The following SUMF1 variants were observed in gnomAD, a reference collection of about 807,000 sequenced individuals.
SUMF1 encodes the protein formylglycine-generating enzyme.
SUMF1 carries 48 observed loss-of-function variants against 47.6 expected under a neutral mutation model. The ratio of observed to expected loss-of-function variants is 1.01; its 90% CI spans 0.80 to 1.28. SUMF1 has a LOEUF of 1.28. Among genes scored for constraint, SUMF1 ranks in the 50% most tolerant of loss-of-function variants. The pLI, the probability that SUMF1 is intolerant of heterozygous loss-of-function variation, is 0.00. For missense variants in SUMF1, 571 were observed against 485.4 expected (o/e 1.18, Z -1.66); for synonymous variants, 230 against 192.1 (o/e 1.20, Z -1.63).
At chr3:4,306,143 C>T (rs1053141486) in intron 8 of SUMF1, among the ~76,000 whole-genome samples, 3 of 152,056 alleles carry the variant, frequency 2.0e-5, no homozygotes, top group South Asian at 2.1e-4. Flanking sequence ...TCCTGCCGTG[C>T]GTGTGTGTGT....
intron 8 of SUMF1, among the ~76,000 whole-genome samples, chr3:4,274,315 T>C (rs1697369974): frequency 6.6e-6 from 1 of 151,974 alleles, no homozygotes; most frequent in South Asian, 2.1e-4. Context: ...ACTAAATTTG[T>C]AGGGGGCAAA....
chr3:4,149,589 G>A (rs751408861), intron 8 of SUMF1, among the ~76,000 whole-genome samples: 2 of 152,088 alleles, frequency 1.3e-5, no homozygotes, highest in African/African-American at 2.4e-5. Context: ...TCCTCAGACT[G>A]CGCCAATATA....
intron 8 of SUMF1, among the ~76,000 whole-genome samples, chr3:4,141,976 G>T (rs1694080864): frequency 6.6e-6 from 1 of 152,110 alleles, no homozygotes; most frequent in Non-Finnish European, 1.5e-5. Context: ...TTGACCAGGG[G>T]TTGCTGTGTT....
chr3:4,056,088 T>A (rs1462064372), intron 9 of SUMF1, among the ~76,000 whole-genome samples: 7 of 152,146 alleles, frequency 4.6e-5, no homozygotes, highest in Admixed American at 1.3e-4. Context: ...TCTCCCTATT[T>A]TATGGTCAGC....
intron 8 of SUMF1, among the ~76,000 whole-genome samples, chr3:4,233,774 A>C (rs913072901): frequency 3.9e-5 from 6 of 152,132 alleles, no homozygotes; most frequent in African/African-American, 1.2e-4. Flanking sequence ...GTTTAAAACG[A>C]AGTCAATACT....
chr3:4,143,201 C>T (rs984030198), intron 8 of SUMF1, among the ~76,000 whole-genome samples: 1 of 152,070 alleles, frequency 6.6e-6, no homozygotes, highest in Non-Finnish European at 1.5e-5. Flanking sequence ...TACATTTACA[C>T]AGTTAGATAT....
intron 8 of SUMF1, among the ~76,000 whole-genome samples, chr3:4,190,367 G>A (rs747317238): frequency 1.3e-5 from 2 of 152,000 alleles, no homozygotes; most frequent in African/African-American, 4.8e-5. Flanking sequence ...ACATTACCAC[G>A]TAGGCTTGCA....
intron 8 of SUMF1, among the ~76,000 whole-genome samples, chr3:4,218,188 C>T (rs1253674422): frequency 6.6e-6 from 1 of 151,890 alleles, no homozygotes; most frequent in Non-Finnish European, 1.5e-5. Context: ...AGAGAGAGAC[C>T]TTACGAGAAA....
At chr3:4,351,884 C>A (rs1220154065) in intron 8 of SUMF1, among the ~76,000 whole-genome samples, 4 of 152,128 alleles carry the variant, frequency 2.6e-5, no homozygotes, top group African/African-American at 9.7e-5. Flanking sequence ...ACCCTCCTGC[C>A]TTGATTGTAC....
chr3:4,204,828 A>ATTT lies in SUMF1; in HGVS notation c.1015-136086_1015-136084dup, dbSNP rs34086119. Among the ~76,000 whole-genome samples, 283 of 151,184 alleles carry ATTT rather than the reference A, an allele frequency of 1.9e-3. 1 individual carries two copies. The highest frequency in any genetic ancestry group is 5.9e-3 in the South Asian group (28 of 4,782). On this transcript the variant is annotated intron_variant and NMD_transcript_variant, in intron 8 of 12. Coordinates refer to the SUMF1 transcript ENST00000448413. ...TTTTCAGCTCCAGGATCTCTGCTTG[A>ATTT]TTTTTTTTATTATTTCAATTACTTT...
intron 8 of SUMF1, among the ~76,000 whole-genome samples, chr3:4,307,038 T>TA (rs1698216148): frequency 6.6e-6 from 1 of 152,228 alleles, no homozygotes; most frequent in African/African-American, 2.4e-5. Flanking sequence ...CACAGTCTTC[T>TA]AATAGCTGCT....
chr3:4,247,801 G>C (rs967199467), intron 8 of SUMF1, among the ~76,000 whole-genome samples: 2 of 152,166 alleles, frequency 1.3e-5, no homozygotes, highest in African/African-American at 2.4e-5. Context: ...AAAGCCCACT[G>C]ATCCAGCAAC....
chr3:4,258,918 G>C (rs1334941338), intron 8 of SUMF1, among the ~76,000 whole-genome samples: 1 of 140,550 alleles, frequency 7.1e-6, no homozygotes, highest in African/African-American at 2.7e-5. Context: ...ATACACCATG[G>C]AATACTATGC....
chr3:4,174,898 G>C (rs2600130), intron 8 of SUMF1, among the ~76,000 whole-genome samples: 92,451 of 152,040 alleles, frequency 0.61, 28,628 homozygotes, highest in Non-Finnish European at 0.68. Flanking sequence ...GCCTGGCTCG[G>C]CAGCTCCCAC....
In SUMF1 at chr3:4,361,926, A is replaced by G. The variant is rs532640038; in HGVS notation, c.*218T>C. 5.7e-4 allele frequency: 317 copies of G among 559,732 alleles called. 2 individuals are homozygous for G. The South Asian group carries it at 6.2e-3, about 11-fold the overall frequency. The allele number at this position is 559,732 out of a possible 1,614,324, so 34.7% of individuals were successfully genotyped here. A position where few individuals can be genotyped will look rare whatever the true frequency, so the allele number is the denominator to read the frequency against. ...CTTTAAAGACTCTCAAAAGTAAAATATGGTGATGATCTCCAAAGATGCACC... is the reference window on the plus strand; with the variant it reads ...CTTTAAAGACTCTCAAAAGTAAAATGTGGTGATGATCTCCAAAGATGCACC... On this transcript the variant is annotated 3_prime_UTR_variant, in exon 9 of 9. Coordinates refer to ENST00000272902, the MANE Select transcript of SUMF1 (RefSeq NM_182760.4).
intron 3 of SUMF1, among the ~76,000 whole-genome samples, chr3:4,428,304 T>A (rs566423626): frequency 6.6e-6 from 1 of 152,274 alleles, no homozygotes; most frequent in South Asian, 2.1e-4. Flanking sequence ...TAAATGTTTG[T>A]GATGATTATT....
intron 8 of SUMF1, among the ~76,000 whole-genome samples, chr3:4,266,065 C>T (rs984469978): frequency 1.3e-5 from 2 of 152,102 alleles, no homozygotes; most frequent in African/African-American, 4.8e-5. Flanking sequence ...TTTCTGAGGG[C>T]TCTGTTCTGT....
At chr3:4,090,971 C>T (rs972482479) in intron 8 of SUMF1, among the ~76,000 whole-genome samples, 4 of 151,854 alleles carry the variant, frequency 2.6e-5, no homozygotes, top group East Asian at 1.9e-4. Flanking sequence ...ATCCCAGCTA[C>T]TTGGGAGGCT....
chr3:4,240,179 A>G (rs1696505447), intron 8 of SUMF1, among the ~76,000 whole-genome samples: 1 of 152,120 alleles, frequency 6.6e-6, no homozygotes, highest in Non-Finnish European at 1.5e-5. Context: ...CCAGTATTTT[A>G]TTGAGGATTT....
Sources: gnomAD v4.1 joint callset for allele counts (sites outside exome capture counted in the v4.1 genomes callset) on GRCh38, gnomAD v4.1.1 for gene constraint, MANE v1.5 for transcripts, NCBI Gene and HGNC (gene_info 2026-07-23, HGNC 2026-07-21) for gene names.